BCAR3: variants seen among roughly 807,000 people sequenced by gnomAD.
BCAR3 encodes the protein breast cancer anti-estrogen resistance protein 3.
In BCAR3, 37 loss-of-function variants were observed where a neutral mutation model predicts 80.1. The observed-to-expected ratio is 0.46, with a 90% CI of 0.36 to 0.61. BCAR3 has a LOEUF of 0.61. Among genes scored for constraint, BCAR3 ranks in the 20% least tolerant of loss-of-function variants. The pLI, the probability that BCAR3 is intolerant of heterozygous loss-of-function variation, is 0.00. For synonymous variants in BCAR3, 389 were observed against 418.9 expected (o/e 0.93, Z 0.87); for missense variants, 978 against 1,068.2 (o/e 0.92, Z 1.18).
chr1:93,606,537 A>G (rs1299365510), intron 3 of BCAR3, among the ~76,000 whole-genome samples: 1 of 152,152 alleles, frequency 6.6e-6, no homozygotes, highest in African/African-American at 2.4e-5. Flanking sequence ...ATCCAATAAA[A>G]ATGCACGAGG....
chr1:93,820,838 G>A (rs947664209), intron 2 of BCAR3, among the ~76,000 whole-genome samples: 2 of 152,118 alleles, frequency 1.3e-5, no homozygotes, highest in Admixed American at 6.6e-5. Context: ...CCTCTGGTAA[G>A]CCGACCTCAT....
intron 1 of BCAR3, among the ~76,000 whole-genome samples, chr1:93,678,831 AAGGGATCTGGCAAATGC>A (rs1201732141): frequency 6.6e-6 from 1 of 152,166 alleles, no homozygotes; most frequent in Non-Finnish European, 1.5e-5. Context: ...GGTTCCAGGC[AAGGGATCTGGCAAATGC>A]AAAGGTCTTG....
At position 93,562,352 on chromosome 1, in the gene BCAR3, G is replaced by T. The variant is rs751998658; in HGVS notation, c.2367C>A (p.Gly789=). Residue 789 remains glycine (G), a synonymous_variant, in exon 12 of 12, where the codon GGC becomes GGA. Transcript: ENST00000260502. ...KTEFQMRLLW[G]SKGAQVNQTE... is the part of the protein sequence containing the mutation. The stretch of plus-strand genomic sequence containing the variant: ...TCTGATTGACTTGTGCACCTTTGCT[G>T]CCCCATAGCAATCGCATTTGAAATT... 2 of 1,614,054 alleles carry T rather than the reference G, an allele frequency of 1.2e-6. No homozygotes were observed. The highest frequency in any genetic ancestry group is 1.7e-6 in the Non-Finnish European group (2 of 1,179,984).
intron 2 of BCAR3, among the ~76,000 whole-genome samples, chr1:93,666,955 G>A (rs1288402172): frequency 6.6e-6 from 1 of 152,150 alleles, no homozygotes; most frequent in Non-Finnish European, 1.5e-5. Flanking sequence ...TAGCCTTCCA[G>A]GAGGAAGGAA....
At position 93,582,849 on chromosome 1, in the gene BCAR3, G is replaced by A. The variant is rs779491839; in HGVS notation, c.1138C>T (p.Arg380Trp). 87 of 1,612,988 alleles carry A rather than the reference G, an allele frequency of 5.4e-5. No homozygotes were observed. The highest frequency in any genetic ancestry group is 6.8e-5 in the Non-Finnish European group (80 of 1,179,944). ...GCCCTGGCGTCTGAGGAGACCCTCC[G>A]AACCACTGCTGGGCTCAGGGCAGGC... ...SEPALSPAVV[R>W]RVSSDARAGE... The change falls in exon 7 of 12, where the codon CGG (arginine) becomes TGG (tryptophan). Residue 380 changes from arginine to tryptophan, a missense_variant. Physicochemically the swap from Arg to Trp is moderately radical, Grantham distance 101. Coordinates refer to ENST00000260502, the MANE Select transcript of BCAR3 (RefSeq NM_003567.4).
intron 2 of BCAR3, among the ~76,000 whole-genome samples, chr1:93,785,485 T>C (rs995570834): frequency 2.0e-5 from 3 of 152,120 alleles, no homozygotes; most frequent in Non-Finnish European, 4.4e-5. Flanking sequence ...GAAATTCAAA[T>C]ACGTAAGAAT....
chr1:93,818,965 T>C (rs965707821), intron 2 of BCAR3, among the ~76,000 whole-genome samples: 21 of 152,236 alleles, frequency 1.4e-4, no homozygotes, highest in African/African-American at 4.6e-4. Flanking sequence ...GCAATGTATA[T>C]ATGATATTTT....
chr1:93,570,144 C>A (rs1052487785), intron 9 of BCAR3, among the ~76,000 whole-genome samples: 2 of 152,202 alleles, frequency 1.3e-5, no homozygotes, highest in African/African-American at 4.8e-5. Context: ...TGACCCCCCA[C>A]AAATTCCCGA....
At position 93,674,851 on chromosome 1, in the gene BCAR3, A is replaced by C; in HGVS notation, c.80T>G (p.Leu27Arg). ...AGCGAGAGGGGACCTGCTGCTCAGA[A>C]GGTCCATGGATGAGGCCAGGGGGAA... ...HQFPLASSMD[L>R]LSSRSPLAEH... is the part of the protein sequence containing the mutation. The change falls in exon 2 of 12, where the codon CTT becomes CGT. Residue 27 changes from leucine (L) to arginine (R), a missense_variant. By Grantham distance (102) the Leu-to-Arg change is moderately radical. Coordinates refer to ENST00000260502, the MANE Select transcript of BCAR3 (RefSeq NM_003567.4). The C allele has an allele frequency of 6.2e-7, 1 of 1,600,702 alleles. No homozygotes were observed. The highest frequency in any genetic ancestry group is 8.5e-7 in the Non-Finnish European group (1 of 1,175,298).
rs372864321 is a variant in BCAR3, at chr1:93,836,998, A to G, written c.-63+8569T>C. On this transcript the variant is annotated intron_variant, in intron 2 of 13. Coordinates refer to the BCAR3 transcript ENST00000370244. ...ATCTCCCTTCGCTGACTCTCTTTTCAGACTCAGCCCACCTGCACCCATGTG... is the reference window on the plus strand; with the variant it reads ...ATCTCCCTTCGCTGACTCTCTTTTCGGACTCAGCCCACCTGCACCCATGTG... Among the ~76,000 whole-genome samples, 79 of 152,100 alleles carry G rather than the reference A, an allele frequency of 5.2e-4. 1 individual carries two copies. Among genetic ancestry groups the G allele is most frequent in the African/African-American group, 1.9e-3 (77 of 41,432 alleles).
chr1:93,617,154 C>G (rs369248610), intron 3 of BCAR3, among the ~76,000 whole-genome samples: 20 of 152,222 alleles, frequency 1.3e-4, no homozygotes, highest in African/African-American at 4.3e-4. Context: ...TCAGCAGACA[C>G]ATGCTTCCTG....
At chr1:93,728,087 G>A (rs2100679225) in intron 2 of BCAR3, among the ~76,000 whole-genome samples, 1 of 152,364 alleles carries the variant, frequency 6.6e-6, no homozygotes, top group African/African-American at 2.4e-5. Flanking sequence ...CAGAGGGAGT[G>A]TATCCCCACT....
At position 93,674,915 on chromosome 1, in the gene BCAR3, A is replaced by G; in HGVS notation, c.16T>C (p.Phe6Leu). ...GGCATGTTTCTGGGAAGGCTTGCAA[A>G]TTTTCCTGCAGCCATAATTCTCAAC... MAAGK[F>L]ASLPRNMPVN... is the part of the protein sequence containing the mutation. The change falls in exon 2 of 12, where the codon TTT (phenylalanine) becomes CTT (leucine). Residue 6 changes from phenylalanine to leucine, a missense_variant. By Grantham distance (22) the Phe-to-Leu change is conservative. Coordinates refer to ENST00000260502, the MANE Select transcript of BCAR3 (RefSeq NM_003567.4). 6.4e-7 allele frequency: 1 copy of G among 1,558,082 alleles called. No individual in the cohort carries two copies. The highest frequency in any genetic ancestry group is 8.6e-7 in the Non-Finnish European group (1 of 1,159,158).
At chr1:93,639,367 C>T (rs1675907355) in intron 3 of BCAR3, among the ~76,000 whole-genome samples, 1 of 152,136 alleles carries the variant, frequency 6.6e-6, no homozygotes, top group African/African-American at 2.4e-5. Flanking sequence ...CCTTGTCTCT[C>T]CCAGACCCAA....
At chr1:93,786,511 G>A (rs574993901) in intron 2 of BCAR3, among the ~76,000 whole-genome samples, 28 of 152,294 alleles carry the variant, frequency 1.8e-4, no homozygotes, top group African/African-American at 6.7e-4. Context: ...CTAAATTACA[G>A]ATTCATAATC....
At chr1:93,736,434 G>A (rs983385103) in intron 2 of BCAR3, among the ~76,000 whole-genome samples, 5 of 152,206 alleles carry the variant, frequency 3.3e-5, no homozygotes, top group South Asian at 2.1e-4. Context: ...TGATCTGCCC[G>A]CCTTGGCCTC....
At chr1:93,800,739 CT>C (rs1276876368) in intron 2 of BCAR3, among the ~76,000 whole-genome samples, 1 of 152,118 alleles carries the variant, frequency 6.6e-6, no homozygotes, top group East Asian at 1.9e-4. Flanking sequence ...TATTTTTCTT[CT>C]TTCTGAAAAA....
At chr1:93,839,601 T>A (rs895265309) in intron 2 of BCAR3, among the ~76,000 whole-genome samples, 1 of 152,208 alleles carries the variant, frequency 6.6e-6, no homozygotes, top group Non-Finnish European at 1.5e-5. Flanking sequence ...TCTGCCTCTT[T>A]TAGATTGGAC....
intron 2 of BCAR3, among the ~76,000 whole-genome samples, chr1:93,820,827 T>C (rs975608542): frequency 6.6e-6 from 1 of 152,100 alleles, no homozygotes; most frequent in African/African-American, 2.4e-5. Context: ...TAAGCTTGAT[T>C]CCTCTGGTAA....
Sources: allele counts gnomAD v4.1 joint callset (sites outside exome capture counted in the v4.1 genomes callset), GRCh38; gene constraint gnomAD v4.1.1; transcripts MANE v1.5; gene names NCBI Gene and HGNC (gene_info 2026-07-23, HGNC 2026-07-21).